Variants in TRAPPC9 observed in about 807,000 individuals in gnomAD.
TRAPPC9 encodes trafficking protein particle complex subunit 9, also known as IKK2 binding protein.
A neutral mutation model predicts 124.0 loss-of-function variants in TRAPPC9; 83 were observed. The observed-to-expected ratio is 0.67, with a 90% CI of 0.56 to 0.80. The LOEUF (loss-of-function observed/expected upper bound fraction) is 0.80, where lower values mean the gene tolerates loss of function less well. Ranked by LOEUF, TRAPPC9 falls within the 30% of genes least tolerant of loss-of-function variation. The probability of loss-of-function intolerance (pLI) is 0.00; values close to 1 mark genes in which losing one functional copy is unlikely to be tolerated. For synonymous variants in TRAPPC9, 638 were observed against 617.5 expected (o/e 1.03, Z -0.49); for missense variants, 1,302 against 1,508.3 (o/e 0.86, Z 2.27).
intron 19 of TRAPPC9, among the ~76,000 whole-genome samples, chr8:139,957,339 C>G (rs542987703): frequency 1.3e-5 from 2 of 152,302 alleles, no homozygotes; most frequent in South Asian, 4.1e-4. Context: ...CGGCACCTAT[C>G]GGAGGGGAAC....
intron 20 of TRAPPC9, among the ~76,000 whole-genome samples, chr8:139,896,595 C>T (rs1304581757): frequency 6.6e-6 from 1 of 152,196 alleles, no homozygotes; most frequent in Non-Finnish European, 1.5e-5. Context: ...TGAACCCAGC[C>T]AGGCTGACCC....
At chr8:139,996,403 T>C (rs1384225150) in intron 18 of TRAPPC9, among the ~76,000 whole-genome samples, 1 of 151,628 alleles carries the variant, frequency 6.6e-6, no homozygotes, top group Non-Finnish European at 1.5e-5. Flanking sequence ...TCCAAGACCA[T>C]GGGTTGGGGG....
At position 140,356,801 on chromosome 8, in the gene TRAPPC9, G is replaced by C. The variant is rs139800789; in HGVS notation, c.1495+3249C>G. Among the ~76,000 whole-genome samples, 533 of 149,954 alleles carry C rather than the reference G, an allele frequency of 3.6e-3. 5 individuals carry two copies. Among genetic ancestry groups the C allele is most frequent in the African/African-American group, 0.013 (507 of 39,382 alleles). ...ATCTTTGTATTTTTAGTAGAGATGG[G>C]GTTTCACTATGTTGTCCAGGCTAGT... On this transcript the variant is annotated intron_variant, in intron 9 of 22. Coordinates refer to ENST00000438773, the MANE Select transcript of TRAPPC9 (RefSeq NM_001160372.4).
In TRAPPC9 at chr8:140,063,080, C is replaced by T. The variant is rs900184010; in HGVS notation, c.2557-39001G>A. 6.6e-6 allele frequency among the ~76,000 whole-genome samples: 1 copy of T among 152,154 alleles called. No homozygotes were observed. The highest frequency in any genetic ancestry group is 2.4e-5 in the African/African-American group (1 of 41,428). On this transcript the variant is annotated intron_variant, in intron 17 of 22. Coordinates refer to ENST00000438773, the MANE Select transcript of TRAPPC9 (RefSeq NM_001160372.4). This position sits in a 1 kb window ranked among gnomAD's most constrained non-coding sequence, Gnocchi z 4.3. Reference sequence around the variant, plus strand: ...AGTGAATGCAGGAGGAACTACTGAACACCTGAACACTTACAAACCCATCAG... The same window carrying T: ...AGTGAATGCAGGAGGAACTACTGAATACCTGAACACTTACAAACCCATCAG...
At chr8:140,178,899 A>G (rs1004965882) in intron 17 of TRAPPC9, among the ~76,000 whole-genome samples, 2 of 152,174 alleles carry the variant, frequency 1.3e-5, no homozygotes, top group African/African-American at 4.8e-5. Flanking sequence ...ATTCACTCAC[A>G]TGAAGTTTTC....
At chr8:139,792,099 TGCCCTGTGCTAGACTCCA>T (rs1266095181) in intron 21 of TRAPPC9, among the ~76,000 whole-genome samples, 1 of 152,178 alleles carries the variant, frequency 6.6e-6, no homozygotes, top group Non-Finnish European at 1.5e-5. Flanking sequence ...CGTCAACATT[TGCCCTGTGCTAGACTCCA>T]GGCCTGTGCT....
At chr8:140,024,286 T>C (rs749829021) in intron 17 of TRAPPC9, among the ~76,000 whole-genome samples, 17 of 152,008 alleles carry the variant, frequency 1.1e-4, no homozygotes, top group Non-Finnish European at 2.5e-4. Context: ...GGCACCATCT[T>C]ACACCCCCGG....
At chr8:140,303,380 C>T (rs2131840213) in intron 10 of TRAPPC9, among the ~76,000 whole-genome samples, 1 of 152,124 alleles carries the variant, frequency 6.6e-6, no homozygotes, top group African/African-American at 2.4e-5. Context: ...AATAATAATC[C>T]AGGACTTACA....
At chr8:140,124,545 C>T (rs978762584) in intron 17 of TRAPPC9, among the ~76,000 whole-genome samples, 3 of 137,834 alleles carry the variant, frequency 2.2e-5, no homozygotes, top group African/African-American at 2.9e-5. Flanking sequence ...GTCTGAGCAT[C>T]GGGACGTGGA....
chr8:139,864,982 T>C (rs993557787), intron 21 of TRAPPC9, among the ~76,000 whole-genome samples: 4 of 152,158 alleles, frequency 2.6e-5, no homozygotes, highest in Non-Finnish European at 4.4e-5. Context: ...ACGTGAAACT[T>C]TGGAACTAAG....
intron 18 of TRAPPC9, among the ~76,000 whole-genome samples, chr8:140,023,049 C>G (rs913007135): frequency 5.9e-5 from 9 of 152,216 alleles, no homozygotes; most frequent in African/African-American, 2.2e-4. Context: ...CGGGATCCCC[C>G]CACCGCCCCC....
At chr8:139,899,377 G>C (rs1431120422) in intron 20 of TRAPPC9, among the ~76,000 whole-genome samples, 2 of 152,234 alleles carry the variant, frequency 1.3e-5, no homozygotes, top group Middle Eastern at 3.4e-3. Context: ...TTACAATAAA[G>C]TAAGCTAGAG....
intron 9 of TRAPPC9, among the ~76,000 whole-genome samples, chr8:140,359,550 G>A (rs1390946149): frequency 2.6e-5 from 4 of 152,130 alleles, no homozygotes; most frequent in Admixed American, 2.0e-4. Context: ...GTTCTGGAAG[G>A]GGGGATGGAG....
intron 17 of TRAPPC9, among the ~76,000 whole-genome samples, chr8:140,217,497 A>G (rs903278895): frequency 4.6e-5 from 7 of 152,182 alleles, no homozygotes; most frequent in African/African-American, 1.2e-4. Flanking sequence ...AGAAGGGGAC[A>G]CTAGTCAGGC....
intron 17 of TRAPPC9, among the ~76,000 whole-genome samples, chr8:140,049,763 C>T (rs910718116): frequency 6.6e-6 from 1 of 152,200 alleles, no homozygotes; most frequent in Middle Eastern, 3.2e-3. Flanking sequence ...CTGTATCCCA[C>T]AGGGCAGGCA....
At chr8:139,841,233 A>G (rs2130887157) in intron 21 of TRAPPC9, among the ~76,000 whole-genome samples, 2 of 152,258 alleles carry the variant, frequency 1.3e-5, no homozygotes, top group South Asian at 4.1e-4. Flanking sequence ...TTCTCCTCTG[A>G]AAGGACCTTC....
chr8:140,447,184 G>C (rs1391731311), intron 2 of TRAPPC9, among the ~76,000 whole-genome samples: 1 of 152,110 alleles, frequency 6.6e-6, no homozygotes, highest in Non-Finnish European at 1.5e-5. Flanking sequence ...AATAAAGGCT[G>C]GTGTGTCACT....
intron 19 of TRAPPC9, among the ~76,000 whole-genome samples, chr8:139,964,842 AC>A (rs1835594940): frequency 6.6e-6 from 1 of 152,174 alleles, no homozygotes; most frequent in Non-Finnish European, 1.5e-5. Context: ...AGGACCTTAG[AC>A]CCCAGTGCTG....
chr8:139,821,956 G>A (rs1455910610), intron 21 of TRAPPC9, among the ~76,000 whole-genome samples: 1 of 152,208 alleles, frequency 6.6e-6, no homozygotes. Flanking sequence ...TCCTTACTCT[G>A]AGAATTCGTT....
Sources: allele counts gnomAD v4.1 joint callset (sites outside exome capture counted in the v4.1 genomes callset), GRCh38; gene constraint gnomAD v4.1.1; non-coding constraint Gnocchi (gnomAD v3.1); transcripts MANE v1.5; gene names NCBI Gene and HGNC (gene_info 2026-07-23, HGNC 2026-07-21).